NRDE2: variants seen among roughly 807,000 people sequenced by gnomAD.
The protein encoded by NRDE2 is NRDE-2, necessary for RNA interference, domain containing.
Under a neutral mutation model 124.2 loss-of-function variants are expected in NRDE2, and 76 were observed. That is an observed-to-expected ratio of 0.61 (90% CI 0.51 to 0.74). NRDE2 has a LOEUF of 0.74. NRDE2 is among the 30% of genes least tolerant of loss of function. The pLI is 0.00. For synonymous variants in NRDE2, 489 were observed against 528.1 expected (o/e 0.93, Z 1.01); for missense variants, 1,314 against 1,417.3 (o/e 0.93, Z 1.17).
intron 5 of NRDE2, among the ~76,000 whole-genome samples, chr14:90,303,658 G>C (rs1566692978): frequency 6.6e-6 from 1 of 151,998 alleles, no homozygotes. Context: ...CCTTCTCCTT[G>C]GTAGCTCTTT....
intron 12 of NRDE2, among the ~76,000 whole-genome samples, chr14:90,283,837 G>A (rs556345280): frequency 1.6e-4 from 24 of 151,104 alleles, no homozygotes; most frequent in East Asian, 7.8e-4. Context: ...TCAGCCTCCC[G>A]AGTAGCTGGG....
intron 7 of NRDE2, among the ~76,000 whole-genome samples, chr14:90,300,378 C>T (rs1884347924): frequency 6.6e-6 from 1 of 152,158 alleles, no homozygotes; most frequent in Admixed American, 6.5e-5. Context: ...ATGGTCTTTA[C>T]TGGCAATTCA....
chr14:90,280,340 C>T (rs1891919621), intron 12 of NRDE2: 1 of 152,234 alleles, frequency 6.6e-6, no homozygotes, highest in South Asian at 2.1e-4. Context: ...ACAGGGCCAG[C>T]TGTGAGGCTC....
intron 3 of NRDE2, among the ~76,000 whole-genome samples, chr14:90,314,187 A>C (rs1446813593): frequency 1.3e-5 from 2 of 152,188 alleles, no homozygotes; most frequent in Non-Finnish European, 2.9e-5. Flanking sequence ...ACTCAAGGTC[A>C]ATTAGTAGCT....
In NRDE2 at chr14:90,274,211, G is replaced by A. The variant is rs1034126197; in HGVS notation, c.*4125C>T. Reference sequence around the variant, plus strand: ...AGGAACACCACAGCACGGGGACTCAGCATGGGCAGGGTGAGGCTGGCATCC... The same window carrying A: ...AGGAACACCACAGCACGGGGACTCAACATGGGCAGGGTGAGGCTGGCATCC... On this transcript the variant is annotated 3_prime_UTR_variant, in exon 14 of 14. Coordinates refer to ENST00000354366, the MANE Select transcript of NRDE2 (RefSeq NM_017970.4). 5 of 155,320 alleles carry A rather than the reference G, an allele frequency of 3.2e-5. No homozygotes were observed. The highest frequency in any genetic ancestry group is 1.2e-4 in the African/African-American group (5 of 41,232). 9.6% of individuals were successfully genotyped at this position (155,320 alleles called of 1,614,324 possible). A position where few individuals can be genotyped will look rare whatever the true frequency, so the allele number is the denominator to read the frequency against.
chr14:90,283,804 T>C (rs1268087577), intron 12 of NRDE2, among the ~76,000 whole-genome samples: 2 of 151,340 alleles, frequency 1.3e-5, no homozygotes, highest in African/African-American at 4.9e-5. Flanking sequence ...CTCTGCCTCC[T>C]GGGTTCAAGC....
Position 90,268,629 on chromosome 14 carries a change from A to G in NRDE2, c.*9707T>C, listed in dbSNP as rs1396739275. The G allele has an allele frequency of 1.9e-6, 1 of 515,988 alleles. No individual in the cohort carries two copies. Among genetic ancestry groups the G allele is most frequent in the Non-Finnish European group, 3.4e-6 (1 of 293,060 alleles). 32.0% of individuals were successfully genotyped at this position (515,988 alleles called of 1,614,324 possible). On this transcript the variant is annotated 3_prime_UTR_variant, in exon 14 of 14. Transcript: ENST00000354366. The stretch of plus-strand genomic sequence containing the variant: ...AGAGATTGGTCAGTTATGAATAACC[A>G]TGTCTTGAGCACCCGCCCTGATCCA...
intron 6 of NRDE2, 114 bp downstream of exon 6, chr14:90,302,606 T>C (rs1884445338): frequency 1.7e-6 from 2 of 1,183,742 alleles, no homozygotes; most frequent in Non-Finnish European, 2.3e-6. Flanking sequence ...AAATCAGTTC[T>C]ATCAAACAAT....
intron 10 of NRDE2, among the ~76,000 whole-genome samples, chr14:90,289,877 C>T (rs1595059432): frequency 1.3e-5 from 2 of 152,204 alleles, no homozygotes; most frequent in Admixed American, 1.3e-4. Flanking sequence ...CGTGAGCCAC[C>T]GCGCCTGACG....
intron 12 of NRDE2, among the ~76,000 whole-genome samples, chr14:90,285,723 C>G (rs1892085479): frequency 6.6e-6 from 1 of 152,120 alleles, no homozygotes; most frequent in Non-Finnish European, 1.5e-5. Flanking sequence ...ACCTCAAACT[C>G]CTGGGCTCAA....
At chr14:90,290,937 C>A (rs1892257264) in intron 9 of NRDE2, among the ~76,000 whole-genome samples, 1 of 152,212 alleles carries the variant, frequency 6.6e-6, no homozygotes, top group South Asian at 2.1e-4. Flanking sequence ...AACATGTTCA[C>A]TTCTGAAAGC....
At chr14:90,295,047 A>G (rs771105464) in intron 8 of NRDE2, among the ~76,000 whole-genome samples, 3 of 152,170 alleles carry the variant, frequency 2.0e-5, no homozygotes, top group Non-Finnish European at 4.4e-5. Context: ...ACAAAGCTAC[A>G]CACGTGACAG....
In NRDE2 at chr14:90,290,548, G is replaced by C; in HGVS notation, c.1902C>G (p.Phe634Leu). The C allele has an allele frequency of 6.2e-7, 1 of 1,612,342 alleles. No individual in the cohort carries two copies. Among genetic ancestry groups the C allele is most frequent in the Non-Finnish European group, 8.5e-7 (1 of 1,179,114 alleles). The change falls in exon 10 of 14, where the codon TTC becomes TTG. Residue 634 changes from phenylalanine (F) to leucine (L), a missense_variant. Physicochemically the swap from Phe to Leu is conservative, Grantham distance 22 (BLOSUM62 0). Coordinates refer to ENST00000354366, the MANE Select transcript of NRDE2 (RefSeq NM_017970.4). ...ACTGCAGGAAGGCCTCCACCAGCTG[G>C]AACTGAAGATCATGGCTGGAAAGTC... Reference protein sequence around the residue: ...LIRLSSHDLQFQLVEAFLQFL... With the variant: ...LIRLSSHDLQLQLVEAFLQFL...
intron 1 of NRDE2, among the ~76,000 whole-genome samples, chr14:90,322,484 T>C (rs1885278594): frequency 6.6e-6 from 1 of 152,144 alleles, no homozygotes; most frequent in South Asian, 2.1e-4. Flanking sequence ...CACCATATCT[T>C]TGCATGTTTA....
chr14:90,286,717 A>C (rs545746993), intron 11 of NRDE2, among the ~76,000 whole-genome samples: 1 of 152,296 alleles, frequency 6.6e-6, no homozygotes, highest in East Asian at 1.9e-4. Context: ...ATCTGTCTTG[A>C]AGTCACACAA....
chr14:90,282,468 A>G (rs1891980125), intron 12 of NRDE2, among the ~76,000 whole-genome samples: 2 of 144,148 alleles, frequency 1.4e-5, no homozygotes, highest in African/African-American at 5.1e-5. Context: ...AATAAGAAAG[A>G]CCCTATCTCA....
In NRDE2 at chr14:90,283,288, C is replaced by CT. The variant is rs1316333022; in HGVS notation, c.3297+3065dup. On this transcript the variant is annotated intron_variant, in intron 12 of 13. Coordinates refer to ENST00000354366, the MANE Select transcript of NRDE2 (RefSeq NM_017970.4). ...AGAGAAATTCTCTAAGGGGCCAGAT[C>CT]TTTTTTTCAAAGCCAATAAGCACTT... Among the ~76,000 whole-genome samples the CT allele has an allele frequency of 2.0e-5, 3 of 152,294 alleles. No individual in the cohort carries two copies. In the East Asian group the frequency reaches 5.8e-4, roughly 29 times the overall value.
chr14:90,286,273 C>T, intron 12 of NRDE2, 81 bp downstream of exon 12: 1 of 1,500,978 alleles, frequency 6.7e-7, no homozygotes, highest in South Asian at 1.3e-5. Context: ...GGGGCTACTT[C>T]TCATTTCATA....
rs547721411 is a variant in NRDE2 at position 90,272,048 on chromosome 14, G to A, written c.*6288C>T. 4.9e-5 allele frequency: 17 copies of A among 348,112 alleles called. No individual in the cohort carries two copies. Among genetic ancestry groups the A allele is most frequent in the African/African-American group, 2.0e-4 (9 of 45,204 alleles). The allele number at this position is 348,112 out of a possible 1,614,324, so 21.6% of individuals were successfully genotyped here. On this transcript the variant is annotated 3_prime_UTR_variant, in exon 14 of 14. Transcript: ENST00000354366. The surrounding 1 kb of genome is among the most constrained non-coding windows in gnomAD (Gnocchi z 4.5). ...GCTAGGATTACAGGTGCCTGCCACC[G>A]TCCCTGGCTAACTTTTTGTATTTTT...
Sources: gnomAD v4.1 joint callset for allele counts (sites outside exome capture counted in the v4.1 genomes callset) on GRCh38, gnomAD v4.1.1 for gene constraint, Gnocchi (gnomAD v3.1) non-coding constraint, MANE v1.5 for transcripts, NCBI Gene and HGNC (gene_info 2026-07-23, HGNC 2026-07-21) for gene names.